CYFIP2: variants seen among roughly 807,000 people sequenced by gnomAD.
The protein encoded by CYFIP2 is cytoplasmic FMR1 interacting protein 2.
CYFIP2 carries 29 observed loss-of-function variants against 158.7 expected under a neutral mutation model. The observed-to-expected ratio is 0.18, with a 90% CI of 0.14 to 0.25. The LOEUF (loss-of-function observed/expected upper bound fraction) is 0.25, where lower values mean the gene tolerates loss of function less well. Ranked by LOEUF, CYFIP2 falls within the 10% of genes least tolerant of loss-of-function variation. The pLI is 1.00. For missense variants in CYFIP2, 852 were observed against 1,639.5 expected (o/e 0.52, Z 8.29); for synonymous variants, 585 against 617.6 (o/e 0.95, Z 0.78).
intron 13 of CYFIP2, among the ~76,000 whole-genome samples, chr5:157,319,447 G>A (rs1760414076): frequency 6.6e-6 from 1 of 152,236 alleles, no homozygotes; most frequent in East Asian, 1.9e-4. Flanking sequence ...TGGGCCAGCT[G>A]CTATTTGTCA....
intron 23 of CYFIP2, among the ~76,000 whole-genome samples, chr5:157,351,928 G>GT (rs1255294394): frequency 7.2e-5 from 11 of 152,124 alleles, no homozygotes; most frequent in Non-Finnish European, 1.6e-4. Flanking sequence ...ACCAGCAAGT[G>GT]TTTCCTCTTC....
chr5:157,341,147 A>G lies in CYFIP2; in HGVS notation c.2663A>G (p.Tyr888Cys). 6.2e-7 allele frequency: 1 copy of G among 1,612,646 alleles called. No individual in the cohort carries two copies. Among genetic ancestry groups the G allele is most frequent in the South Asian group, 1.1e-5 (1 of 91,062 alleles). Reference sequence around the variant, plus strand: ...GCCAACGTCCAGCCTTATTACCTCTATGGATCCAAGGTAAGTAGTCCTGCC... The same window carrying G: ...GCCAACGTCCAGCCTTATTACCTCTGTGGATCCAAGGTAAGTAGTCCTGCC... Reference protein sequence around the residue: ...KPANVQPYYLYGSKPLNIAYS... With the variant: ...KPANVQPYYLCGSKPLNIAYS... The change falls in exon 23 of 31, where the codon TAT becomes TGT. Residue 888 changes from tyrosine to cysteine, a missense_variant. Coordinates refer to ENST00000620254, the MANE Select transcript of CYFIP2 (RefSeq NM_001037333.3).
At chr5:157,334,115 A>G (rs968494804) in intron 21 of CYFIP2, among the ~76,000 whole-genome samples, 3 of 152,258 alleles carry the variant, frequency 2.0e-5, no homozygotes, top group African/African-American at 7.2e-5. Flanking sequence ...CCGTTAGAAC[A>G]TAATAAAAAT....
At chr5:157,389,995 G>A (rs1862384) in intron 29 of CYFIP2, among the ~76,000 whole-genome samples, 49,928 of 151,970 alleles carry the variant, frequency 0.33, 8,598 homozygotes, top group East Asian at 0.67. Context: ...AGAGTTGGGG[G>A]CCAGGCCTCT....
chr5:157,383,232 G>A lies in CYFIP2; in HGVS notation c.3113-33G>A, dbSNP rs746265753. 3.1e-6 allele frequency: 5 copies of A among 1,601,786 alleles called. No homozygotes were observed. The African/African-American group carries it at 5.4e-5, about 17-fold the overall frequency. On this transcript the variant is annotated intron_variant, in intron 27 of 30. Coordinates refer to ENST00000620254, the MANE Select transcript of CYFIP2 (RefSeq NM_001037333.3). ...TCCCCAGTTGCCCTGTGTTCCCTGA[G>A]TCTCATTTTCTGCTCTGCGACTCCT...
In CYFIP2 at chr5:157,376,839, T is replaced by G. The variant is rs193007820; in HGVS notation, c.3040-5751T>G. The G allele has an allele frequency of 2.7e-3, 1,229 of 455,256 alleles. 15 individuals are homozygous for G. Among genetic ancestry groups the G allele is most frequent in the African/African-American group, 0.023 (1,117 of 49,520 alleles). 28.2% of individuals were successfully genotyped at this position (455,256 alleles called of 1,614,324 possible). Reference sequence around the variant, plus strand: ...AAGCTCAGATCTACTCTGCAGACTCTGCAGGGCCTAGGCCTCACATCTAGT... The same window carrying G: ...AAGCTCAGATCTACTCTGCAGACTCGGCAGGGCCTAGGCCTCACATCTAGT... On this transcript the variant is annotated intron_variant, in intron 26 of 30. Coordinates refer to ENST00000620254, the MANE Select transcript of CYFIP2 (RefSeq NM_001037333.3).
At chr5:157,276,157 A>G (rs1345624223) in intron 1 of CYFIP2, among the ~76,000 whole-genome samples, 1 of 152,234 alleles carries the variant, frequency 6.6e-6, no homozygotes, top group East Asian at 1.9e-4. Flanking sequence ...TTGCATAATT[A>G]CCTTGGCTAG....
chr5:157,358,619 C>T (rs1469799481), intron 23 of CYFIP2, among the ~76,000 whole-genome samples: 1 of 152,164 alleles, frequency 6.6e-6, no homozygotes, highest in East Asian at 1.9e-4. Flanking sequence ...ATGGTTCTTC[C>T]AGCCAATGTC....
chr5:157,357,124 C>A (rs556080034), intron 23 of CYFIP2, among the ~76,000 whole-genome samples: 18 of 152,312 alleles, frequency 1.2e-4, no homozygotes, highest in African/African-American at 3.8e-4. Flanking sequence ...AATATCTAGG[C>A]ATGAGCTCAC....
chr5:157,280,050 G>A (rs1756869079), intron 1 of CYFIP2, among the ~76,000 whole-genome samples: 1 of 152,192 alleles, frequency 6.6e-6, no homozygotes, highest in African/African-American at 2.4e-5. Flanking sequence ...TTTGCCAGGG[G>A]AGAAGAAAGA....
Position 157,395,447 on chromosome 5 carries a change from G to T in CYFIP2, c.*2447G>T. On this transcript the variant is annotated 3_prime_UTR_variant, in exon 31 of 31. Coordinates refer to ENST00000620254, the MANE Select transcript of CYFIP2 (RefSeq NM_001037333.3). ...CATTTATTTATGGTGACATATTTACGCTTGTGATCAAATAATGATGTTAAA... is the reference window on the plus strand; with the variant it reads ...CATTTATTTATGGTGACATATTTACTCTTGTGATCAAATAATGATGTTAAA... 4.8e-6 allele frequency: 2 copies of T among 417,664 alleles called. No individual in the cohort carries two copies. The highest frequency in any genetic ancestry group is 9.0e-6 in the Non-Finnish European group (2 of 221,742). 25.9% of individuals were successfully genotyped at this position (417,664 alleles called of 1,614,324 possible).
In CYFIP2 at chr5:157,285,470, A is replaced by G. The variant is rs371710290; in HGVS notation, c.109A>G (p.Met37Val). The part of the protein sequence containing the change: ...PCIEPPPSSI[M>V]YQANFDTNFE... ...CATCGAGCCTCCACCTTCCTCCATC[A>G]TGTACCAGGTAATGGAAATGGTAGA... Residue 37 changes from methionine (M) to valine (V), a missense_variant, in exon 2 of 31, where the codon ATG (methionine) becomes GTG (valine). Physicochemically the swap from Met to Val is conservative, Grantham distance 21. Around this residue, in one of 8 missense-constraint regions of CYFIP2, gnomAD observed 123 missense variants for 316.7 expected, o/e 0.39. Coordinates refer to ENST00000620254, the MANE Select transcript of CYFIP2 (RefSeq NM_001037333.3). The G allele has an allele frequency of 1.3e-6, 2 of 1,567,376 alleles. No individual in the cohort carries two copies. The highest frequency in any genetic ancestry group is 8.7e-7 in the Non-Finnish European group (1 of 1,155,768).
intron 1 of CYFIP2, among the ~76,000 whole-genome samples, chr5:157,274,339 AC>A (rs1292986874): frequency 2.0e-5 from 3 of 152,150 alleles, no homozygotes; most frequent in African/African-American, 7.2e-5. Context: ...ACAATACAAT[AC>A]GGGGTCTTTA....
At chr5:157,320,053 T>A in intron 14 of CYFIP2, 125 bp downstream of exon 14, 1 of 1,185,128 alleles carries the variant, frequency 8.4e-7, no homozygotes, top group Non-Finnish European at 1.2e-6. Context: ...GAGGGCTCTT[T>A]AGGAGATTGG....
chr5:157,290,165 C>T (rs2113856629), intron 3 of CYFIP2, among the ~76,000 whole-genome samples: 1 of 152,266 alleles, frequency 6.6e-6, no homozygotes, highest in African/African-American at 2.4e-5. Context: ...TCTGTTACTG[C>T]CCTAATAGAG....
chr5:157,390,902 C>T (rs941427825), intron 30 of CYFIP2, among the ~76,000 whole-genome samples: 3 of 152,140 alleles, frequency 2.0e-5, no homozygotes, highest in South Asian at 2.1e-4. Flanking sequence ...GGCTCCAGAC[C>T]GGGAGCACAT....
chr5:157,303,358 G>A (rs1214266243), intron 7 of CYFIP2, among the ~76,000 whole-genome samples: 1 of 152,246 alleles, frequency 6.6e-6, no homozygotes, highest in Non-Finnish European at 1.5e-5. Context: ...GATCCTGACA[G>A]ATGTTCAGGG....
At chr5:157,310,456 G>A (rs1439892174) in intron 10 of CYFIP2, among the ~76,000 whole-genome samples, 1 of 152,182 alleles carries the variant, frequency 6.6e-6, no homozygotes, top group South Asian at 2.1e-4. Context: ...AGTCAAGGGC[G>A]AGTGTGTTGG....
Position 157,285,342 on chromosome 5 carries a change from A to G in CYFIP2, c.-20A>G. ...ACCTTCTCTTCCTTCCCTTCAGTGC[A>G]GAATACAGAAACTGCAGCCATGACC... On this transcript the variant is annotated 5_prime_UTR_variant, in exon 2 of 31. Transcript: ENST00000620254. 2 of 1,551,318 alleles carry G rather than the reference A, an allele frequency of 1.3e-6. No homozygotes were observed. The highest frequency in any genetic ancestry group is 1.7e-6 in the Non-Finnish European group (2 of 1,145,574).
Sources: gnomAD v4.1 joint callset for allele counts (sites outside exome capture counted in the v4.1 genomes callset) on GRCh38, gnomAD v4.1.1 for gene constraint, gnomAD v4.1.1 regional missense constraint, MANE v1.5 for transcripts, NCBI Gene and HGNC (gene_info 2026-07-23, HGNC 2026-07-21) for gene names.